Variants in DVL1 observed in about 807,000 individuals in gnomAD.
DVL1 encodes the protein dishevelled segment polarity protein 1.
DVL1 carries 49 observed loss-of-function variants against 65.0 expected under a neutral mutation model. The observed-to-expected ratio is 0.75, with a 90% CI of 0.60 to 0.96. DVL1 has a LOEUF of 0.96. Among genes scored for constraint, DVL1 ranks in the 40% least tolerant of loss-of-function variants. DVL1 has a pLI of 0.00. For missense variants in DVL1, 1,197 were observed against 1,045.4 expected, an observed-to-expected ratio of 1.15 and a Z score of -2.00; for synonymous variants, 608 against 433.9, an observed-to-expected ratio of 1.40 and a Z score of -4.99.
Position 1,340,026 on chromosome 1 carries a change from C to G in DVL1, c.909+12G>C. 2 of 1,609,760 alleles carry G rather than the reference C, an allele frequency of 1.2e-6. No individual in the cohort carries two copies. The highest frequency in any genetic ancestry group is 8.5e-7 in the Non-Finnish European group (1 of 1,178,216). ...GCAGCTACATGTCACCCCGCAGCCC[C>G]CACAGACACACCTGCAGCAACATGT... On this transcript the variant is annotated intron_variant, in intron 8 of 14. Coordinates refer to ENST00000378888, the MANE Select transcript of DVL1 (RefSeq NM_001330311.2).
At chr1:1,337,925 G>A in intron 14 of DVL1, 52 bp downstream of exon 14, 7 of 1,454,242 alleles carry the variant, frequency 4.8e-6, no homozygotes, top group Non-Finnish European at 5.7e-6. Flanking sequence ...AGTGGAGTGG[G>A]GCGGAGCTGG....
chr1:1,347,930 C>A (rs1643943116), intron 1 of DVL1, among the ~76,000 whole-genome samples: 1 of 152,160 alleles, frequency 6.6e-6, no homozygotes, highest in Admixed American at 6.5e-5. Context: ...CAGAGCGGAC[C>A]CAGCCTGACT....
chr1:1,348,035 C>A (rs952023201), intron 1 of DVL1, among the ~76,000 whole-genome samples: 23 of 152,364 alleles, frequency 1.5e-4, no homozygotes, highest in Non-Finnish European at 2.9e-4. Context: ...AAGGACACCG[C>A]TTGCCGGAGG....
intron 11 of DVL1, 87 bp downstream of exon 11, chr1:1,339,200 C>T (rs765778300): frequency 2.9e-5 from 43 of 1,500,194 alleles, no homozygotes; most frequent in African/African-American, 8.3e-5. Flanking sequence ...AGCCCCATGA[C>T]GGCCACAGGC....
In DVL1 at chr1:1,347,007, G is replaced by A. The variant is rs544761956; in HGVS notation, c.170+1889C>T. Among the ~76,000 whole-genome samples the A allele has an allele frequency of 1.2e-4, 19 of 152,318 alleles. 1 individual carries two copies. The highest frequency in any genetic ancestry group is 1.0e-3 in the Admixed American group (16 of 15,304). On this transcript the variant is annotated intron_variant, in intron 1 of 14. Transcript: ENST00000378888. ...GAGAGGTCTGCGGGTAGAACTCAGGGGAAGGGATGAAGGAAGTAATTGATG... is the reference window on the plus strand; with the variant it reads ...GAGAGGTCTGCGGGTAGAACTCAGGAGAAGGGATGAAGGAAGTAATTGATG...
chr1:1,336,794 C>A (rs1410035386), intron 14 of DVL1, among the ~76,000 whole-genome samples: 1 of 152,182 alleles, frequency 6.6e-6, no homozygotes, highest in Non-Finnish European at 1.5e-5. Context: ...AGGGCCTGGT[C>A]TTGCGGCTGA....
chr1:1,344,999 G>A (rs987224240), intron 1 of DVL1, among the ~76,000 whole-genome samples: 3 of 150,638 alleles, frequency 2.0e-5, no homozygotes, highest in African/African-American at 7.5e-5. Flanking sequence ...CTGACTCACC[G>A]GAGGGAGACT....
Position 1,339,274 on chromosome 1 carries a change from A to T in DVL1, c.1207+13T>A. ...CTCGGTTTCTGCTGGGGCCCTCAGG[A>T]GCTGCCACTTACGTGGAGCACCAGG... is the stretch of plus-strand genomic sequence containing the variant. On this transcript the variant is annotated intron_variant, in intron 11 of 14. Transcript: ENST00000378888. 6.5e-7 allele frequency: 1 copy of T among 1,548,348 alleles called. No individual in the cohort carries two copies. The highest frequency in any genetic ancestry group is 8.7e-7 in the Non-Finnish European group (1 of 1,146,840).
At chr1:1,347,432 T>C (rs890984510) in intron 1 of DVL1, among the ~76,000 whole-genome samples, 4 of 152,188 alleles carry the variant, frequency 2.6e-5, no homozygotes, top group African/African-American at 9.7e-5. Flanking sequence ...AGGCTGTCTC[T>C]GCCCTGGGCA....
intron 1 of DVL1, among the ~76,000 whole-genome samples, chr1:1,346,157 C>T (rs1028352421): frequency 3.3e-5 from 5 of 152,186 alleles, no homozygotes; most frequent in African/African-American, 4.8e-5. Context: ...CAGCCCAGGC[C>T]AGGCAGAGCC....
At position 1,339,735 on chromosome 1, in the gene DVL1, C is replaced by T. The variant is rs1290918579; in HGVS notation, c.986+1G>A. 2 of 1,613,068 alleles carry T rather than the reference C, an allele frequency of 1.2e-6. No individual in the cohort carries two copies. The highest frequency in any genetic ancestry group is 1.1e-5 in the South Asian group (1 of 91,088). ...CCCGCTCCAGCGCCCCCAGCCCTCA[C>T]CCCGTCTGGGAAACGATCTCCCGCA... On this transcript the variant is annotated splice_donor_variant, in intron 9 of 14. Transcript: ENST00000378888. LOFTEE classifies it high-confidence loss of function.
intron 13 of DVL1, 40 bp downstream of exon 13, chr1:1,338,229 T>TGGGCCCCCCC: frequency 7.9e-6 from 12 of 1,522,264 alleles, no homozygotes; most frequent in Non-Finnish European, 9.9e-6. Flanking sequence ...CCTCCGGCGT[T>TGGGCCCCCCC]CCCCTCCCCC....
rs1285810661 is a variant in DVL1, at chr1:1,349,252, T to G, written c.-187A>C. 2.3e-5 allele frequency: 4 copies of G among 170,458 alleles called. No homozygotes were observed. Among genetic ancestry groups the G allele is most frequent in the East Asian group, 2.1e-4 (1 of 4,670 alleles). The allele number at this position is 170,458 out of a possible 1,614,324, so 10.6% of individuals were successfully genotyped here. A position where few individuals can be genotyped will look rare whatever the true frequency, so the allele number is the denominator to read the frequency against. On this transcript the variant is annotated 5_prime_UTR_variant, in exon 1 of 15. Coordinates refer to ENST00000378888, the MANE Select transcript of DVL1 (RefSeq NM_001330311.2). This position sits in a 1 kb window ranked among gnomAD's most constrained non-coding sequence, Gnocchi z 4.1. ...CCGCCGCCCCCGGCTCCCGCGCGCG[T>G]CCCGACTGCTGCCCCGCGGCCCGCG...
rs763742739 is a variant in DVL1 at position 1,336,532 on chromosome 1, G to C, written c.1715-17C>G. The C allele has an allele frequency of 2.7e-6, 4 of 1,493,672 alleles. No homozygotes were observed. Among genetic ancestry groups the C allele is most frequent in the Admixed American group, 2.3e-5 (1 of 44,120 alleles). 92.5% of individuals were successfully genotyped at this position (1,493,672 alleles called of 1,614,324 possible). A position where few individuals can be genotyped will look rare whatever the true frequency, so the allele number is the denominator to read the frequency against. On this transcript the variant is annotated splice_polypyrimidine_tract_variant and intron_variant, in intron 14 of 14. Coordinates refer to ENST00000378888, the MANE Select transcript of DVL1 (RefSeq NM_001330311.2). ...TTTTGCTCCCTGGGAGTGAGAACAG[G>C]ATGGGGAAGGAGCCTGTCAGCACCA... is the stretch of plus-strand genomic sequence containing the variant.
In DVL1 at chr1:1,336,169, G is replaced by A. The variant is rs760077387; in HGVS notation, c.2061C>T (p.Pro687=). ...ACATGATGTCCACGAAGAACTCGCA[G>A]GGGTTCCCCATAGCCTTCTGGAAGG... is the stretch of plus-strand genomic sequence containing the variant. ...RQSFQKAMGN[P]CEFFVDIM The change falls in exon 15 of 15, where the codon CCC becomes CCT. Residue 687 remains proline, a synonymous_variant. Transcript: ENST00000378888. 34 of 1,575,252 alleles carry A rather than the reference G, an allele frequency of 2.2e-5. 1 individual carries two copies. Among genetic ancestry groups the A allele is most frequent in the Admixed American group, 1.1e-4 (6 of 56,886 alleles).
chr1:1,336,449 G>T lies in DVL1; in HGVS notation c.1781C>A (p.Ala594Glu), dbSNP rs368894487. 2.5e-6 allele frequency: 4 copies of T among 1,573,376 alleles called. No homozygotes were observed. The East Asian group carries it at 6.8e-5, about 27-fold the overall frequency. The change falls in exon 15 of 15, where the codon GCG becomes GAG. Residue 594 changes from alanine (A) to glutamate (E), a missense_variant. Coordinates refer to ENST00000378888, the MANE Select transcript of DVL1 (RefSeq NM_001330311.2). Reference protein sequence around the residue: ...RAPGREKERRAAGAGGSGSES... With the variant: ...RAPGREKERREAGAGGSGSES... ...ACTGCCACTGCCCCCAGCTCCCGCC[G>T]CCCGACGCTCCTTCTCACGGCCCGG...
rs990434682 is a variant in DVL1 at position 1,337,962 on chromosome 1, G to C, written c.1714+15C>G. The C allele has an allele frequency of 2.5e-6, 4 of 1,607,092 alleles. No homozygotes were observed. In the African/African-American group the frequency reaches 5.3e-5, roughly 21 times the overall value. ...GGCGGAGCCGGGGAAGGGCAGGTAG[G>C]GGCGGCGTTCTCACCTTCACTCTGC... On this transcript the variant is annotated intron_variant, in intron 14 of 14. Transcript: ENST00000378888.
At chr1:1,346,937 C>T (rs1460634511) in intron 1 of DVL1, among the ~76,000 whole-genome samples, 1 of 152,202 alleles carries the variant, frequency 6.6e-6, no homozygotes, top group African/African-American at 2.4e-5. Flanking sequence ...TACTGACCAA[C>T]CAGCCCCTCC....
In DVL1 at chr1:1,348,979, C is replaced by A; in HGVS notation, c.87G>T (p.Thr29=). 6.3e-7 allele frequency: 1 copy of A among 1,576,370 alleles called. No individual in the cohort carries two copies. Among genetic ancestry groups the A allele is most frequent in the Non-Finnish European group, 8.6e-7 (1 of 1,158,740 alleles). Residue 29 remains threonine (T), a synonymous_variant, in exon 1 of 15, where the codon ACG becomes ACT. Transcript: ENST00000378888. ...VKLPVAPERV[T]LADFKNVLSN... ...TGAGCACGTTCTTGAAGTCGGCCAGCGTGACGCGCTCGGGGGCCACGGGCA... is the reference window on the plus strand; with the variant it reads ...TGAGCACGTTCTTGAAGTCGGCCAGAGTGACGCGCTCGGGGGCCACGGGCA...
Sources: gnomAD v4.1 joint callset for allele counts (sites outside exome capture counted in the v4.1 genomes callset) on GRCh38, gnomAD v4.1.1 for gene constraint, Gnocchi (gnomAD v3.1) non-coding constraint, MANE v1.5 for transcripts, NCBI Gene and HGNC (gene_info 2026-07-23, HGNC 2026-07-21) for gene names.